The following ATPAF1 variants were observed in gnomAD, a reference collection of about 807,000 sequenced individuals.
ATPAF1 encodes the protein ATP synthase mitochondrial F1 complex assembly factor 1.
A neutral mutation model predicts 43.9 loss-of-function variants in ATPAF1; 26 were observed. The ratio of observed to expected loss-of-function variants is 0.59; its 90% CI spans 0.43 to 0.82. The LOEUF (loss-of-function observed/expected upper bound fraction) is 0.82. Ranked by LOEUF, ATPAF1 falls within the 40% of genes least tolerant of loss-of-function variation. ATPAF1 has a pLI of 0.00. For missense variants in ATPAF1, 366 were observed against 435.0 expected (o/e 0.84, Z 1.41); for synonymous variants, 157 against 168.0 (o/e 0.93, Z 0.50).
intron 6 of ATPAF1, among the ~76,000 whole-genome samples, chr1:46,648,609 C>T (rs898275781): frequency 1.3e-5 from 2 of 152,042 alleles, no homozygotes; most frequent in African/African-American, 4.8e-5. Flanking sequence ...ATAGTTTGTG[C>T]TTTTTGTAAT....
chr1:46,642,882 G>A (rs1675974611), intron 8 of ATPAF1, among the ~76,000 whole-genome samples: 1 of 152,128 alleles, frequency 6.6e-6, no homozygotes, highest in Non-Finnish European at 1.5e-5. Context: ...TATATAAATA[G>A]TTTCACATCA....
At chr1:46,667,968 C>G (rs1676519457) in intron 1 of ATPAF1, 89 bp downstream of exon 1, 1 of 1,076,678 alleles carries the variant, frequency 9.3e-7, no homozygotes, top group East Asian at 3.3e-5. Context: ...AGTACTAGTG[C>G]CCACCTCACA....
intron 6 of ATPAF1, among the ~76,000 whole-genome samples, chr1:46,649,853 G>A (rs1484306395): frequency 6.6e-6 from 1 of 151,998 alleles, no homozygotes; most frequent in Non-Finnish European, 1.5e-5. Flanking sequence ...TTCAGCTGAA[G>A]AGATTGAGGC....
At chr1:46,658,858 C>T in intron 2 of ATPAF1, 121 bp from the exon 3 acceptor site, 1 of 564,442 alleles carries the variant, frequency 1.8e-6, no homozygotes, top group Non-Finnish European at 3.0e-6. Context: ...CTTCTCTCCA[C>T]TTTTTATAAT....
At chr1:46,668,358 CGGCCTCGGCCCGCG>C in exon 1 of ATPAF1, 1 of 1,294,370 alleles carries the variant, frequency 7.7e-7, no homozygotes, top group Non-Finnish European at 9.8e-7. This position sits in a 1 kb window ranked among gnomAD's most constrained non-coding sequence, Gnocchi z 4.4. Context: ...TCAGGCGCGT[CGGCCTCGGCCCGCG>C]GCCCGCGCGC....
intron 1 of ATPAF1, chr1:46,665,858 G>T (rs72898751): frequency 7.1e-4 from 1,013 of 1,422,918 alleles, no homozygotes; most frequent in Non-Finnish European, 8.4e-4. Context: ...TAGCATCTGA[G>T]TATCTCCCTA....
chr1:46,645,151 A>C lies in ATPAF1; in HGVS notation c.684+10T>G, dbSNP rs200204347. On this transcript the variant is annotated intron_variant, in intron 7 of 8. Transcript: ENST00000574428. ...CTCTTTCCTCTAGAGGAAGGGCACAAGCCACCTACCTGAATATTTATAAGT... is the reference window on the plus strand; with the variant it reads ...CTCTTTCCTCTAGAGGAAGGGCACACGCCACCTACCTGAATATTTATAAGT... 4.9e-4 allele frequency: 791 copies of C among 1,608,140 alleles called. 1 individual carries two copies. The highest frequency in any genetic ancestry group is 3.4e-4 in the Non-Finnish European group (401 of 1,174,844).
intron 2 of ATPAF1, among the ~76,000 whole-genome samples, chr1:46,663,037 G>GT (rs1676422418): frequency 6.6e-6 from 1 of 152,206 alleles, no homozygotes; most frequent in South Asian, 2.1e-4. Flanking sequence ...GCAGTGTTTG[G>GT]TTTTTTGTCC....
At chr1:46,641,873 T>G (rs1334085977) in intron 8 of ATPAF1, among the ~76,000 whole-genome samples, 1 of 152,008 alleles carries the variant, frequency 6.6e-6, no homozygotes, top group African/African-American at 2.4e-5. Flanking sequence ...ACTTACTTCC[T>G]TGGTGACTTC....
rs604264 is a variant in ATPAF1 at position 46,653,676 on chromosome 1, C to T, written c.540+141G>A. The T allele has an allele frequency of 0.054, 34,251 of 637,608 alleles. 4,093 individuals carry two copies. The highest frequency in any genetic ancestry group is 0.39 in the East Asian group (13,230 of 33,806). 39.5% of individuals were successfully genotyped at this position (637,608 alleles called of 1,614,324 possible). ...AGCTTCCAATCTCTGGTGCTCAGGG[C>T]ATAATAAAAACTCTCAGGGCTGTAA... On this transcript the variant is annotated intron_variant, in intron 5 of 8. Coordinates refer to ENST00000574428, the Ensembl canonical transcript of ATPAF1. This position sits in a 1 kb window ranked among gnomAD's most constrained non-coding sequence, Gnocchi z 4.8.
At chr1:46,652,862 A>C (rs1266204990) in intron 5 of ATPAF1, among the ~76,000 whole-genome samples, 2 of 152,172 alleles carry the variant, frequency 1.3e-5, no homozygotes, top group Non-Finnish European at 2.9e-5. Context: ...TGCTCCAGGG[A>C]ACTTTAACAA....
chr1:46,667,429 C>T (rs1204648555), intron 1 of ATPAF1, among the ~76,000 whole-genome samples: 1 of 152,200 alleles, frequency 6.6e-6, no homozygotes, highest in Non-Finnish European at 1.5e-5. Flanking sequence ...CCCCTCTAAG[C>T]TCCAGATCCT....
At chr1:46,642,388 A>C (rs983896322) in intron 8 of ATPAF1, among the ~76,000 whole-genome samples, 1 of 152,212 alleles carries the variant, frequency 6.6e-6, no homozygotes, top group Non-Finnish European at 1.5e-5. Context: ...TTCTGAACTT[A>C]ACCTCTGCCA....
At chr1:46,637,290 G>A (rs1025428229) in intron 8 of ATPAF1, among the ~76,000 whole-genome samples, 2 of 152,236 alleles carry the variant, frequency 1.3e-5, no homozygotes, top group Middle Eastern at 3.4e-3. Context: ...TGAGACAGGA[G>A]GATTGCTTGA....
At chr1:46,652,992 G>T (rs1226645467) in intron 5 of ATPAF1, among the ~76,000 whole-genome samples, 1 of 151,826 alleles carries the variant, frequency 6.6e-6, no homozygotes, top group Non-Finnish European at 1.5e-5. Flanking sequence ...TCTTCTGGCT[G>T]TTGAATTCAT....
At chr1:46,656,997 C>T (rs1240026816) in intron 4 of ATPAF1, among the ~76,000 whole-genome samples, 2 of 152,096 alleles carry the variant, frequency 1.3e-5, no homozygotes, top group Non-Finnish European at 2.9e-5. Flanking sequence ...AAAGGAAACC[C>T]ATGGCAACTG....
intron 6 of ATPAF1, among the ~76,000 whole-genome samples, chr1:46,647,503 T>TACAC (rs56095996): frequency 4.0e-5 from 6 of 150,600 alleles, no homozygotes; most frequent in Admixed American, 2.0e-4. Context: ...TATACACACA[T>TACAC]ACACACACAC....
At chr1:46,646,640 A>C (rs1308543249) in intron 6 of ATPAF1, among the ~76,000 whole-genome samples, 1 of 152,240 alleles carries the variant, frequency 6.6e-6, no homozygotes, top group South Asian at 2.1e-4. Context: ...AGATAAACTT[A>C]GTGCCTACTT....
chr1:46,639,134 A>G (rs1675900393), intron 8 of ATPAF1, among the ~76,000 whole-genome samples: 1 of 152,194 alleles, frequency 6.6e-6, no homozygotes, highest in African/African-American at 2.4e-5. Flanking sequence ...CCATCTCTTT[A>G]TGGGTTCTTC....
Sources: gnomAD v4.1 joint callset for allele counts (sites outside exome capture counted in the v4.1 genomes callset) on GRCh38, gnomAD v4.1.1 for gene constraint, Gnocchi (gnomAD v3.1) non-coding constraint, MANE v1.5 for transcripts, NCBI Gene and HGNC (gene_info 2026-07-23, HGNC 2026-07-21) for gene names.